The following IRF2 variants were observed in gnomAD, a reference collection of about 807,000 sequenced individuals.
The protein encoded by IRF2 is interferon regulatory factor 2.
IRF2 carries 15 observed loss-of-function variants against 40.6 expected under a neutral mutation model. The observed-to-expected ratio is 0.37, with a 90% CI of 0.25 to 0.57. The LOEUF is 0.57. Among genes scored for constraint, IRF2 ranks in the 20% least tolerant of loss-of-function variants. The pLI is 0.77. For synonymous variants in IRF2, 151 were observed against 165.5 expected (o/e 0.91, Z 0.67); for missense variants, 317 against 455.7 (o/e 0.70, Z 2.77).
At chr4:184,429,817 A>T (rs549866507) in intron 1 of IRF2, among the ~76,000 whole-genome samples, 63 of 152,236 alleles carry the variant, frequency 4.1e-4, no homozygotes, top group African/African-American at 1.5e-3. Context: ...TTCCTCCGCC[A>T]GTCCACACAA....
At chr4:184,429,686 C>G (rs957722723) in intron 1 of IRF2, among the ~76,000 whole-genome samples, 2 of 152,206 alleles carry the variant, frequency 1.3e-5, no homozygotes, top group Non-Finnish European at 2.9e-5. Flanking sequence ...TGCTTTTACC[C>G]GAATGCAGTC....
chr4:184,431,490 G>A (rs1034919521), intron 1 of IRF2, among the ~76,000 whole-genome samples: 2 of 152,216 alleles, frequency 1.3e-5, no homozygotes, highest in African/African-American at 4.8e-5. Flanking sequence ...ACCCCTCAAA[G>A]GCTCACCCTG....
chr4:184,401,241 A>C (rs931009255), intron 6 of IRF2, among the ~76,000 whole-genome samples: 36 of 152,248 alleles, frequency 2.4e-4, no homozygotes, highest in Admixed American at 2.2e-3. Flanking sequence ...TTGTTTATAA[A>C]CAGGTTCCTG....
intron 2 of IRF2, 178 bp downstream of exon 2, chr4:184,428,800 A>G: frequency 3.2e-6 from 2 of 619,296 alleles, no homozygotes; most frequent in Non-Finnish European, 5.9e-6. Flanking sequence ...CCCTGTCTCT[A>G]AAAGAAAAAA....
intron 7 of IRF2, among the ~76,000 whole-genome samples, chr4:184,393,110 G>T (rs1313452254): frequency 6.6e-6 from 1 of 152,170 alleles, no homozygotes; most frequent in African/African-American, 2.4e-5. Flanking sequence ...GCAGGAATCG[G>T]AACAGCCACT....
Position 184,408,897 on chromosome 4 carries a change from T to C in IRF2, c.412-622A>G, listed in dbSNP as rs966673463. Among the ~76,000 whole-genome samples the C allele has an allele frequency of 6.6e-6, 1 of 152,224 alleles. No individual in the cohort carries two copies. Among genetic ancestry groups the C allele is most frequent in the Non-Finnish European group, 1.5e-5 (1 of 68,040 alleles). ...GGGCTTTACATAAATGCCCTTCAGG[T>C]GGCTGAATATCTCATCCAGCCCAAG... On this transcript the variant is annotated intron_variant, in intron 5 of 8. Coordinates refer to ENST00000393593, the MANE Select transcript of IRF2 (RefSeq NM_002199.4). The surrounding 1 kb of genome is among the most constrained non-coding windows in gnomAD (Gnocchi z 4.9).
rs148210280 is a variant in IRF2, at chr4:184,447,916, C to T, written c.-6-18846G>A. Among the ~76,000 whole-genome samples, 281 of 152,320 alleles carry T rather than the reference C, an allele frequency of 1.8e-3. 1 individual carries two copies. The highest frequency in any genetic ancestry group is 6.4e-3 in the African/African-American group (268 of 41,578). On this transcript the variant is annotated intron_variant, in intron 1 of 8. Transcript: ENST00000393593. ...AAGGGACATGACTGAGACATTCCAA[C>T]AGGAACAGGGTCTGCGGGTGGGAGG...
At chr4:184,463,213 G>A (rs915970283) in intron 1 of IRF2, among the ~76,000 whole-genome samples, 2 of 152,188 alleles carry the variant, frequency 1.3e-5, no homozygotes, top group African/African-American at 2.4e-5. Flanking sequence ...AGAGCCACAG[G>A]GAGATTCATA....
At chr4:184,455,181 C>G (rs1738868369) in intron 1 of IRF2, among the ~76,000 whole-genome samples, 1 of 151,930 alleles carries the variant, frequency 6.6e-6, no homozygotes, top group South Asian at 2.1e-4. Context: ...ACCTCTTGTT[C>G]CCACTGATTC....
intron 1 of IRF2, among the ~76,000 whole-genome samples, chr4:184,457,150 T>C (rs556519647): frequency 6.6e-6 from 1 of 152,360 alleles, no homozygotes; most frequent in South Asian, 2.1e-4. Flanking sequence ...TAGACTGTGT[T>C]ATGTGACAAA....
chr4:184,444,463 C>T (rs575494790), intron 1 of IRF2, among the ~76,000 whole-genome samples: 1 of 152,138 alleles, frequency 6.6e-6, no homozygotes, highest in Non-Finnish European at 1.5e-5. Flanking sequence ...GCATGGTTTG[C>T]GGTAAGGATT....
intron 1 of IRF2, among the ~76,000 whole-genome samples, chr4:184,431,396 A>G (rs912640867): frequency 2.0e-5 from 3 of 152,220 alleles, no homozygotes; most frequent in Non-Finnish European, 2.9e-5. Context: ...GAAGGGAGGT[A>G]CCATGCCCCA....
intron 2 of IRF2, among the ~76,000 whole-genome samples, chr4:184,419,972 A>C (rs986620615): frequency 6.6e-6 from 1 of 152,138 alleles, no homozygotes; most frequent in Non-Finnish European, 1.5e-5. Context: ...GGTTCAAGAG[A>C]TTCTCCCACC....
intron 1 of IRF2, among the ~76,000 whole-genome samples, chr4:184,461,513 G>A (rs1020470231): frequency 2.0e-5 from 3 of 152,108 alleles, no homozygotes; most frequent in African/African-American, 7.2e-5. Flanking sequence ...CTAACTGTAA[G>A]GAATGCAGAC....
chr4:184,448,060 T>C lies in IRF2; in HGVS notation c.-6-18990A>G, dbSNP rs565811169. Among the ~76,000 whole-genome samples the C allele has an allele frequency of 2.0e-5, 3 of 152,344 alleles. No homozygotes were observed. Among genetic ancestry groups the C allele is most frequent in the African/African-American group, 7.2e-5 (3 of 41,582 alleles). On this transcript the variant is annotated intron_variant, in intron 1 of 8. Transcript: ENST00000393593. The surrounding 1 kb of genome is among the most constrained non-coding windows in gnomAD (Gnocchi z 4.3). ...ACTCAGGAGTGATGGGATATCAGTA[T>C]TGGCAAGTTACTCTCCAAAGATGTA...
At position 184,448,439 on chromosome 4, in the gene IRF2, A is replaced by G. The variant is rs900654821; in HGVS notation, c.-6-19369T>C. 6.6e-6 allele frequency among the ~76,000 whole-genome samples: 1 copy of G among 152,232 alleles called. No homozygotes were observed. The highest frequency in any genetic ancestry group is 2.4e-5 in the African/African-American group (1 of 41,462). On this transcript the variant is annotated intron_variant, in intron 1 of 8. Transcript: ENST00000393593. This position sits in a 1 kb window ranked among gnomAD's most constrained non-coding sequence, Gnocchi z 4.3. ...TGGGGGAGATGAGGAGTGATGGTCC[A>G]TAATTCATTTAAATTGTTCAGTTGT...
intron 5 of IRF2, among the ~76,000 whole-genome samples, chr4:184,416,287 C>T (rs921026372): frequency 2.1e-5 from 3 of 144,128 alleles, no homozygotes; most frequent in African/African-American, 7.9e-5. Context: ...CACTTCACTC[C>T]AGCCTGGGTG....
Position 184,399,000 on chromosome 4 carries a change from T to G in IRF2, c.609A>C (p.Val203=). 6.2e-7 allele frequency: 1 copy of G among 1,613,772 alleles called. No homozygotes were observed. The highest frequency in any genetic ancestry group is 8.5e-7 in the Non-Finnish European group (1 of 1,179,892). ...GCTCGTCGCTCTCAGTGGTCACCTC[T>G]ACAACTTGGCAAATGTCTGGCGGAT... ...VTNPPDICQV[V]EVTTESDEQP... is the part of the protein sequence containing the mutation. The change falls in exon 7 of 9, where the codon GTA becomes GTC. Residue 203 remains valine (V), a synonymous_variant. Transcript: ENST00000393593.
intron 3 of IRF2, 29 bp downstream of exon 3, chr4:184,419,440 T>C (rs1303974872): frequency 6.3e-6 from 9 of 1,424,872 alleles, no homozygotes; most frequent in Non-Finnish European, 8.9e-6. Context: ...AGTGCCTTCC[T>C]CTATAAACGC....
Sources: allele counts gnomAD v4.1 joint callset (sites outside exome capture counted in the v4.1 genomes callset), GRCh38; gene constraint gnomAD v4.1.1; non-coding constraint Gnocchi (gnomAD v3.1); transcripts MANE v1.5; gene names NCBI Gene and HGNC (gene_info 2026-07-23, HGNC 2026-07-21).